Variants in NELL1 observed in about 807,000 individuals in gnomAD.
NELL1 encodes protein kinase C-binding protein NELL1.
A neutral mutation model predicts 107.4 loss-of-function variants in NELL1; 76 were observed. The observed-to-expected ratio is 0.71, with a 90% CI of 0.59 to 0.86. The LOEUF (loss-of-function observed/expected upper bound fraction) is 0.86, where lower values mean the gene tolerates loss of function less well. NELL1 is among the 40% of genes least tolerant of loss of function. NELL1 has a pLI of 0.00. For missense variants in NELL1, 1,024 were observed against 1,005.5 expected (o/e 1.02, Z -0.25); for synonymous variants, 353 against 341.2 (o/e 1.03, Z -0.38).
intron 12 of NELL1, among the ~76,000 whole-genome samples, chr11:20,964,731 G>A (rs1771469218): frequency 6.6e-6 from 1 of 152,148 alleles, no homozygotes; most frequent in African/African-American, 2.4e-5. Flanking sequence ...CATCAGTTTT[G>A]GCTAATGAAA....
chr11:21,028,424 G>T (rs1314046561), intron 12 of NELL1, among the ~76,000 whole-genome samples: 2 of 152,062 alleles, frequency 1.3e-5, no homozygotes, highest in Non-Finnish European at 2.9e-5. Context: ...CAAAACAGGG[G>T]CTTTAAATCA....
At chr11:21,117,023 A>G (rs1282260432) in intron 13 of NELL1, among the ~76,000 whole-genome samples, 1 of 151,794 alleles carries the variant, frequency 6.6e-6, no homozygotes, top group Non-Finnish European at 1.5e-5. Flanking sequence ...TTCCTTGTCC[A>G]TTATGACATG....
At chr11:21,456,500 G>C (rs907708439) in intron 15 of NELL1, among the ~76,000 whole-genome samples, 1 of 151,790 alleles carries the variant, frequency 6.6e-6, no homozygotes, top group East Asian at 1.9e-4. Flanking sequence ...TTTATAAATT[G>C]TTGGGGATTT....
intron 3 of NELL1, among the ~76,000 whole-genome samples, chr11:20,836,391 A>G (rs1228681102): frequency 6.6e-6 from 1 of 152,054 alleles, no homozygotes; most frequent in Non-Finnish European, 1.5e-5. Context: ...ACAGTTTGGC[A>G]GTTTCTTACA....
intron 15 of NELL1, among the ~76,000 whole-genome samples, chr11:21,477,866 AATAATAAATAAATT>A (rs1360185354): frequency 2.0e-5 from 3 of 146,820 alleles, no homozygotes; most frequent in South Asian, 2.1e-4. Flanking sequence ...AGTTATTTAT[AATAATAAATAAATT>A]ATAATAAATA....
intron 3 of NELL1, among the ~76,000 whole-genome samples, chr11:20,831,998 G>A (rs1858020182): frequency 2.0e-5 from 3 of 152,190 alleles, no homozygotes; most frequent in Admixed American, 1.3e-4. Context: ...CGTAGGGGGT[G>A]GGAATGTTTA....
At chr11:21,057,196 A>G (rs902129880) in intron 12 of NELL1, among the ~76,000 whole-genome samples, 6 of 152,158 alleles carry the variant, frequency 3.9e-5, no homozygotes, top group Non-Finnish European at 5.9e-5. Context: ...AAGGCATTTC[A>G]TAAGACATAA....
chr11:20,854,832 A>C (rs1848852843), intron 4 of NELL1, among the ~76,000 whole-genome samples: 1 of 152,210 alleles, frequency 6.6e-6, no homozygotes, highest in African/African-American at 2.4e-5. Context: ...AAAGACATAC[A>C]TCCTCTGAAT....
At chr11:21,551,421 G>C (rs968368408) in intron 16 of NELL1, among the ~76,000 whole-genome samples, 5 of 151,972 alleles carry the variant, frequency 3.3e-5, no homozygotes, top group Non-Finnish European at 7.4e-5. Flanking sequence ...TCTTGTGCCA[G>C]TTTTCAAAGG....
At chr11:20,791,000 G>A (rs558650166) in intron 3 of NELL1, among the ~76,000 whole-genome samples, 7 of 152,268 alleles carry the variant, frequency 4.6e-5, no homozygotes, top group Middle Eastern at 3.4e-3. Flanking sequence ...AGTAAGTTTG[G>A]AAATTGATGA....
intron 2 of NELL1, among the ~76,000 whole-genome samples, 174 bp downstream of exon 2, chr11:20,678,234 T>C (rs1854110132): frequency 6.6e-6 from 1 of 152,098 alleles, no homozygotes; most frequent in African/African-American, 2.4e-5. Flanking sequence ...AGGGAGGCAT[T>C]AGAGATCATG....
intron 12 of NELL1, among the ~76,000 whole-genome samples, chr11:21,034,676 A>G (rs1853045155): frequency 6.6e-6 from 1 of 152,200 alleles, no homozygotes; most frequent in African/African-American, 2.4e-5. Context: ...TTAAGGCAAA[A>G]GTTAAAAAGT....
chr11:21,322,605 A>C (rs1360210845), intron 14 of NELL1, among the ~76,000 whole-genome samples: 1 of 152,118 alleles, frequency 6.6e-6, no homozygotes, highest in Non-Finnish European at 1.5e-5. Flanking sequence ...ATTCCATTCT[A>C]GTCTGGTCTA....
At chr11:20,675,478 G>C (rs1854031740) in intron 1 of NELL1, among the ~76,000 whole-genome samples, 1 of 152,160 alleles carries the variant, frequency 6.6e-6, no homozygotes, top group Non-Finnish European at 1.5e-5. Flanking sequence ...CAGGTCTTAA[G>C]TTGAGAGCCT....
chr11:21,441,330 C>CTTGTGTGTGTGTGTGTGTGT (rs1309300543), intron 15 of NELL1, among the ~76,000 whole-genome samples: 1 of 140,150 alleles, frequency 7.1e-6, no homozygotes, highest in African/African-American at 2.5e-5. Flanking sequence ...GAGGCTGTGA[C>CTTGTGTGTGTGTGTGTGTGT]GTGTGTGTGT....
At chr11:21,566,345 T>C (rs556254075) in intron 17 of NELL1, among the ~76,000 whole-genome samples, 2 of 152,034 alleles carry the variant, frequency 1.3e-5, no homozygotes, top group Admixed American at 6.6e-5. Context: ...TATTTACTGA[T>C]ATATTGACTG....
At chr11:21,274,202 A>G (rs1298754897) in intron 14 of NELL1, among the ~76,000 whole-genome samples, 1 of 152,234 alleles carries the variant, frequency 6.6e-6, no homozygotes, top group Non-Finnish European at 1.5e-5. Context: ...AAAAGGATGG[A>G]GGAAGATCTA....
At chr11:21,265,792 A>C (rs547664395) in intron 14 of NELL1, among the ~76,000 whole-genome samples, 13 of 152,124 alleles carry the variant, frequency 8.5e-5, no homozygotes, top group African/African-American at 2.6e-4. Flanking sequence ...TTAAGGTAGT[A>C]TCTTTCTGAG....
intron 12 of NELL1, among the ~76,000 whole-genome samples, chr11:21,090,813 A>G (rs955544221): frequency 6.6e-6 from 1 of 152,184 alleles, no homozygotes; most frequent in Non-Finnish European, 1.5e-5. Context: ...TATAGGACAT[A>G]TATGATTTTT....
Sources: gnomAD v4.1 joint callset for allele counts (sites outside exome capture counted in the v4.1 genomes callset) on GRCh38, gnomAD v4.1.1 for gene constraint, MANE v1.5 for transcripts, NCBI Gene and HGNC (gene_info 2026-07-23, HGNC 2026-07-21) for gene names.